Variants in CNTNAP2 observed in about 807,000 individuals in gnomAD.
The protein encoded by CNTNAP2 is contactin-associated protein-like 2.
Under a neutral mutation model 155.2 loss-of-function variants are expected in CNTNAP2, and 98 were observed. That is an observed-to-expected ratio of 0.63 (90% CI 0.54 to 0.75). The LOEUF (loss-of-function observed/expected upper bound fraction) is 0.75, where lower values mean the gene tolerates loss of function less well. CNTNAP2 is among the 30% of genes least tolerant of loss of function. The probability of loss-of-function intolerance (pLI) is 0.00; values close to 1 mark genes in which losing one functional copy is unlikely to be tolerated. For synonymous variants in CNTNAP2, 651 were observed against 631.2 expected, an observed-to-expected ratio of 1.03 and a Z score of -0.47; for missense variants, 1,727 against 1,688.1, an observed-to-expected ratio of 1.02 and a Z score of -0.40.
chr7:147,067,056 G>T (rs911887789), intron 4 of CNTNAP2, among the ~76,000 whole-genome samples: 1 of 152,158 alleles, frequency 6.6e-6, no homozygotes, highest in East Asian at 1.9e-4. Context: ...ACTTTGGGAG[G>T]CTGAGGTGGG....
intron 8 of CNTNAP2, among the ~76,000 whole-genome samples, chr7:147,236,919 T>C (rs542844751): frequency 6.6e-6 from 1 of 152,264 alleles, no homozygotes; most frequent in East Asian, 1.9e-4. Context: ...GTGATTGCCA[T>C]GCCCAAAATT....
chr7:146,447,569 C>A (rs1160656325), intron 1 of CNTNAP2, among the ~76,000 whole-genome samples: 1 of 151,518 alleles, frequency 6.6e-6, no homozygotes, highest in Non-Finnish European at 1.5e-5. Flanking sequence ...TTACATAAAC[C>A]AAAAAATATG....
At chr7:147,238,970 A>G (rs1221090769) in intron 8 of CNTNAP2, among the ~76,000 whole-genome samples, 1 of 152,238 alleles carries the variant, frequency 6.6e-6, no homozygotes, top group African/African-American at 2.4e-5. Context: ...TAGAGCAACT[A>G]AACTATACTA....
At chr7:147,967,805 G>A (rs572272852) in intron 14 of CNTNAP2, among the ~76,000 whole-genome samples, 1 of 152,084 alleles carries the variant, frequency 6.6e-6, no homozygotes, top group Non-Finnish European at 1.5e-5. Flanking sequence ...GTTTGCCTTT[G>A]CAAATCTAAG....
intron 1 of CNTNAP2, among the ~76,000 whole-genome samples, chr7:146,245,715 G>A (rs569074188): frequency 1.3e-5 from 2 of 152,086 alleles, no homozygotes; most frequent in African/African-American, 4.8e-5. Flanking sequence ...ATGAAGTTTG[G>A]GCTTGACTGA....
intron 1 of CNTNAP2, among the ~76,000 whole-genome samples, chr7:146,211,399 A>G (rs925071306): frequency 6.6e-5 from 10 of 152,338 alleles, no homozygotes; most frequent in African/African-American, 2.2e-4. Flanking sequence ...TGTAAAATCA[A>G]TTACCATTAC....
At chr7:146,474,429 A>T (rs1008023398) in intron 1 of CNTNAP2, among the ~76,000 whole-genome samples, 1 of 148,916 alleles carries the variant, frequency 6.7e-6, no homozygotes, top group African/African-American at 2.5e-5. Flanking sequence ...TTTTTTTACC[A>T]TGGTCTACCT....
intron 15 of CNTNAP2, among the ~76,000 whole-genome samples, chr7:148,023,592 C>T (rs1014961395): frequency 6.6e-6 from 1 of 152,106 alleles, no homozygotes; most frequent in Non-Finnish European, 1.5e-5. Flanking sequence ...ATAAACGCTT[C>T]ATTTCACACT....
intron 16 of CNTNAP2, among the ~76,000 whole-genome samples, chr7:148,137,669 AAAGGAAGGAAGG>A (rs35867113): frequency 0.046 from 4,928 of 107,702 alleles, 164 homozygotes; most frequent in East Asian, 0.064. Context: ...CTCAGAAAAA[AAAGGAAGGAAGG>A]AAGGAAGGAA....
chr7:146,618,931 G>A (rs1469257092), intron 1 of CNTNAP2, among the ~76,000 whole-genome samples: 10 of 151,916 alleles, frequency 6.6e-5, no homozygotes, highest in Non-Finnish European at 1.2e-4. Flanking sequence ...TTAGCCGGGC[G>A]TGGTGGTGGG....
intron 1 of CNTNAP2, among the ~76,000 whole-genome samples, chr7:146,197,689 G>T (rs1162702526): frequency 2.0e-5 from 3 of 152,120 alleles, no homozygotes; most frequent in African/African-American, 4.8e-5. Flanking sequence ...AAGGAAAAAT[G>T]ACTTATCTAG....
At chr7:147,392,006 G>A (rs749279049) in intron 9 of CNTNAP2, among the ~76,000 whole-genome samples, 14 of 151,906 alleles carry the variant, frequency 9.2e-5, no homozygotes, top group Admixed American at 2.6e-4. Context: ...GAAGATGCCC[G>A]ATGGCTCCTT....
intron 11 of CNTNAP2, among the ~76,000 whole-genome samples, chr7:147,515,321 C>CTTTTTT (rs763147267): frequency 0.013 from 1,595 of 125,706 alleles, 150 homozygotes; most frequent in African/African-American, 0.039. Context: ...TCATTATATT[C>CTTTTTT]TTTTTTTGTT....
chr7:147,364,707 G>A (rs891318863), intron 9 of CNTNAP2, among the ~76,000 whole-genome samples: 1 of 152,108 alleles, frequency 6.6e-6, no homozygotes. Flanking sequence ...AAATTAGCCG[G>A]GAATGGTGGC....
chr7:146,518,802 A>T (rs1424431456), intron 1 of CNTNAP2, among the ~76,000 whole-genome samples: 1 of 151,818 alleles, frequency 6.6e-6, no homozygotes, highest in African/African-American at 2.4e-5. Context: ...TACAAGTAGA[A>T]GAGAGTGGGT....
intron 1 of CNTNAP2, among the ~76,000 whole-genome samples, chr7:146,647,808 T>C (rs900883640): frequency 3.3e-5 from 5 of 152,218 alleles, no homozygotes; most frequent in Non-Finnish European, 5.9e-5. Flanking sequence ...TGATTAGAGA[T>C]TTTTAAAAGA....
At chr7:147,258,956 G>C (rs1804394539) in intron 8 of CNTNAP2, among the ~76,000 whole-genome samples, 1 of 152,206 alleles carries the variant, frequency 6.6e-6, no homozygotes, top group Non-Finnish European at 1.5e-5. Context: ...GCTTCAGAGT[G>C]AAAGCAGAGG....
chr7:148,028,522 G>T (rs78776961), intron 15 of CNTNAP2, among the ~76,000 whole-genome samples: 1 of 152,170 alleles, frequency 6.6e-6, no homozygotes, highest in African/African-American at 2.4e-5. Context: ...GCTGCAGTGA[G>T]CCATGATTGT....
intron 18 of CNTNAP2, among the ~76,000 whole-genome samples, chr7:148,213,530 C>T (rs900572012): frequency 6.6e-6 from 1 of 152,122 alleles, no homozygotes; most frequent in Non-Finnish European, 1.5e-5. Context: ...ATCATCCTGC[C>T]TGCCCCACTG....
Sources: allele counts gnomAD v4.1 joint callset (sites outside exome capture counted in the v4.1 genomes callset), GRCh38; gene constraint gnomAD v4.1.1; transcripts MANE v1.5; gene names NCBI Gene and HGNC (gene_info 2026-07-23, HGNC 2026-07-21).